STK10: variants seen among roughly 807,000 people sequenced by gnomAD.
STK10 encodes the protein serine/threonine kinase 10.
In STK10, 78 loss-of-function variants were observed where a neutral mutation model predicts 113.8. The observed-to-expected ratio is 0.69, with a 90% CI of 0.57 to 0.83. The LOEUF is 0.83. STK10 is among the 40% of genes least tolerant of loss of function. STK10 has a pLI of 0.00. For synonymous variants in STK10, 465 were observed against 494.7 expected, an observed-to-expected ratio of 0.94 and a Z score of 0.80; for missense variants, 1,109 against 1,280.1, an observed-to-expected ratio of 0.87 and a Z score of 2.04.
At chr5:172,045,256 G>A (rs1480158195) in intron 18 of STK10, among the ~76,000 whole-genome samples, 3 of 152,066 alleles carry the variant, frequency 2.0e-5, no homozygotes, top group African/African-American at 7.3e-5. Flanking sequence ...GGGTACAGTT[G>A]GGGGAAATGT....
At chr5:172,181,122 T>C (rs1770847572) in intron 1 of STK10, among the ~76,000 whole-genome samples, 1 of 152,190 alleles carries the variant, frequency 6.6e-6, no homozygotes, top group East Asian at 1.9e-4. Context: ...GCCATCAGAT[T>C]GCACACACAC....
At chr5:172,131,249 T>C in intron 2 of STK10, among the ~76,000 whole-genome samples, 1 of 152,108 alleles carries the variant, frequency 6.6e-6, no homozygotes, top group Non-Finnish European at 1.5e-5. Context: ...TTAGCCAGGA[T>C]GGTCTCGATC....
chr5:172,114,609 A>T (rs1315236624), intron 4 of STK10: 2 of 146,910 alleles, frequency 1.4e-5, no homozygotes, highest in African/African-American at 5.1e-5. Flanking sequence ...CAGCCTCCCG[A>T]GTAGCTGGGA....
rs540192856 is a variant in STK10, at chr5:172,138,323, C to T, written c.322-10902G>A. Among the ~76,000 whole-genome samples, 179 of 152,162 alleles carry T rather than the reference C, an allele frequency of 1.2e-3. 1 individual carries two copies. Among genetic ancestry groups the T allele is most frequent in the Non-Finnish European group, 1.9e-3 (130 of 68,010 alleles). On this transcript the variant is annotated intron_variant, in intron 2 of 18. Coordinates refer to ENST00000176763, the MANE Select transcript of STK10 (RefSeq NM_005990.4). ...ATTTTTAGTAGAGAGGGGGTTTCACCATATTGGCCAGGCTGGTCTTGAATT... is the reference window on the plus strand; with the variant it reads ...ATTTTTAGTAGAGAGGGGGTTTCACTATATTGGCCAGGCTGGTCTTGAATT...
In STK10 at chr5:172,049,128, G is replaced by C. The variant is rs149624735; in HGVS notation, c.2766+3801C>G. Among the ~76,000 whole-genome samples the C allele has an allele frequency of 7.9e-4, 121 of 152,232 alleles. 3 individuals carry two copies. The East Asian group carries it at 0.022, about 28-fold the overall frequency. ...CTCCCTGCTTCTTGGCCCCTTACTA[G>C]AAGGTCGGTTCTTCCGGAGGGCATG... On this transcript the variant is annotated intron_variant, in intron 18 of 18. Transcript: ENST00000176763.
chr5:172,119,725 G>A (rs565007291), intron 3 of STK10, among the ~76,000 whole-genome samples: 159 of 144,852 alleles, frequency 1.1e-3, no homozygotes, highest in African/African-American at 3.8e-3. Flanking sequence ...TTAGCCGGGC[G>A]TAGTGGCGGG....
chr5:172,165,414 A>G, intron 1 of STK10, among the ~76,000 whole-genome samples: 1 of 152,172 alleles, frequency 6.6e-6, no homozygotes, highest in Non-Finnish European at 1.5e-5. Context: ...AGAACACAAG[A>G]GCAAAGAGCC....
At chr5:172,113,521 T>C (rs1259882595) in intron 4 of STK10, among the ~76,000 whole-genome samples, 1 of 152,218 alleles carries the variant, frequency 6.6e-6, no homozygotes, top group Non-Finnish European at 1.5e-5. Flanking sequence ...ATCATGTTTC[T>C]GAGGAATCTT....
intron 1 of STK10, among the ~76,000 whole-genome samples, chr5:172,176,606 T>C (rs1348925664): frequency 6.6e-6 from 1 of 152,114 alleles, no homozygotes; most frequent in Non-Finnish European, 1.5e-5. Context: ...TCCTCCCCCA[T>C]CAAAAGACAG....
intron 9 of STK10, among the ~76,000 whole-genome samples, chr5:172,090,772 TA>T (rs1768683172): frequency 6.6e-6 from 1 of 151,314 alleles, no homozygotes; most frequent in African/African-American, 2.4e-5. Context: ...CTGTCTCTAC[TA>T]AAAATACAAA....
chr5:172,074,909 C>T (rs938584926), intron 12 of STK10, among the ~76,000 whole-genome samples: 4 of 151,838 alleles, frequency 2.6e-5, no homozygotes, highest in Non-Finnish European at 5.9e-5. Flanking sequence ...ATCCCAGTTA[C>T]TTGGGAGGCT....
chr5:172,135,659 T>C (rs58438716), intron 2 of STK10, among the ~76,000 whole-genome samples: 14,996 of 152,280 alleles, frequency 0.098, 2,515 homozygotes, highest in African/African-American at 0.34. Context: ...GTAGCATTAC[T>C]ATTGATCCAA....
At position 172,096,456 on chromosome 5, in the gene STK10, C is replaced by T. The variant is rs1181572800; in HGVS notation, c.975G>A (p.Gly325=). Residue 325 remains glycine, a synonymous_variant, in exon 8 of 19, where the codon GGG becomes GGA. Transcript: ENST00000176763. The part of the protein sequence containing the change: ...MEEIEDGRDE[G]EEEDAVDAAS... The stretch of plus-strand genomic sequence containing the variant: ...CGGCATCCACGGCGTCCTCCTCTTC[C>T]CCCTCATCCCGGCCGTCTTCGATCT... The T allele has an allele frequency of 1.9e-6, 3 of 1,613,382 alleles. No homozygotes were observed. The highest frequency in any genetic ancestry group is 1.1e-5 in the South Asian group (1 of 91,088).
At chr5:172,123,198 T>C (rs1280708587) in intron 3 of STK10, among the ~76,000 whole-genome samples, 3 of 152,198 alleles carry the variant, frequency 2.0e-5, no homozygotes, top group African/African-American at 7.2e-5. Context: ...CAGAAACCCC[T>C]CTAAGCAGGG....
chr5:172,142,357 A>C (rs1010897611), intron 2 of STK10, among the ~76,000 whole-genome samples: 6 of 152,192 alleles, frequency 3.9e-5, no homozygotes, highest in African/African-American at 9.7e-5. Flanking sequence ...TATTGACACC[A>C]AAGTGCTGTG....
rs1767458857 is a variant in STK10 at position 172,044,698 on chromosome 5, A to G, written c.*184T>C. ...AATTACACCTCACCCTCCACAGGCC[A>G]GCAAGAAGTCAGGAACGCTGGGGCA... On this transcript the variant is annotated 3_prime_UTR_variant, in exon 19 of 19. Coordinates refer to ENST00000176763, the MANE Select transcript of STK10 (RefSeq NM_005990.4). This position sits in a 1 kb window ranked among gnomAD's most constrained non-coding sequence, Gnocchi z 4.5. 1 of 893,254 alleles carries G rather than the reference A, an allele frequency of 1.1e-6. No individual in the cohort carries two copies. The highest frequency in any genetic ancestry group is 1.7e-6 in the Non-Finnish European group (1 of 579,858). 55.3% of individuals were successfully genotyped at this position (893,254 alleles called of 1,614,324 possible). A position where few individuals can be genotyped will look rare whatever the true frequency, so the allele number is the denominator to read the frequency against.
intron 18 of STK10, among the ~76,000 whole-genome samples, chr5:172,048,050 G>C (rs1767533453): frequency 6.6e-6 from 1 of 152,024 alleles, no homozygotes; most frequent in Admixed American, 6.6e-5. Flanking sequence ...TTACAGGCAT[G>C]CGCCACTGTG....
intron 1 of STK10, among the ~76,000 whole-genome samples, chr5:172,159,324 A>G (rs990110271): frequency 1.3e-5 from 2 of 152,118 alleles, no homozygotes; most frequent in Non-Finnish European, 2.9e-5. Flanking sequence ...GGCTTGCTTG[A>G]GTCCATGAGT....
At chr5:172,145,496 C>T (rs1000142524) in intron 2 of STK10, among the ~76,000 whole-genome samples, 1 of 152,240 alleles carries the variant, frequency 6.6e-6, no homozygotes, top group African/African-American at 2.4e-5. Context: ...CACGCGCTGG[C>T]CCGCTCAGAG....
Sources: allele counts gnomAD v4.1 joint callset (sites outside exome capture counted in the v4.1 genomes callset), GRCh38; gene constraint gnomAD v4.1.1; non-coding constraint Gnocchi (gnomAD v3.1); transcripts MANE v1.5; gene names NCBI Gene and HGNC (gene_info 2026-07-23, HGNC 2026-07-21).